CAPS2: variants seen among roughly 807,000 people sequenced by gnomAD.
CAPS2 encodes the protein calcyphosin-2.
Under a neutral mutation model 86.5 loss-of-function variants are expected in CAPS2, and 98 were observed. The observed-to-expected ratio is 1.13, with a 90% CI of 0.96 to 1.34. The LOEUF is 1.34. CAPS2 is among the 40% of genes most tolerant of loss of function. The pLI is 0.00. For synonymous variants in CAPS2, 210 were observed against 225.1 expected, an observed-to-expected ratio of 0.93 and a Z score of 0.60; for missense variants, 729 against 686.8, an observed-to-expected ratio of 1.06 and a Z score of -0.69.
intron 12 of CAPS2, 61 bp from the exon 13 acceptor site, chr12:75,291,881 A>T: frequency 1.3e-6 from 1 of 752,380 alleles, no homozygotes; most frequent in Admixed American, 2.3e-5. Flanking sequence ...AATCTTGAGT[A>T]TAAAACCTCT....
At chr12:75,289,635 C>G (rs763698424) in exon 14 of CAPS2, 9 of 1,612,398 alleles carry the variant, frequency 5.6e-6, no homozygotes, top group Non-Finnish European at 7.6e-6. Context: ...TCAGACACTT[C>G]TAAGTGAAAC....
At chr12:75,278,932 A>G (rs758707125) in exon 17 of CAPS2, 2 of 1,603,068 alleles carry the variant, frequency 1.2e-6, no homozygotes, top group South Asian at 2.3e-5. Flanking sequence ...CAAAGTCTTC[A>G]TCATCTACTA....
At chr12:75,334,469 T>G, upstream of CAPS2, 1 of 1,292,538 alleles carries the variant, frequency 7.7e-7, no homozygotes, top group Non-Finnish European at 9.8e-7. Context: ...CAGAAAGCAG[T>G]TTGGATGGTT....
chr12:75,339,957 T>G (rs190192360), intron 1 of CAPS2, among the ~76,000 whole-genome samples: 1 of 152,140 alleles, frequency 6.6e-6, no homozygotes, highest in African/African-American at 2.4e-5. Context: ...ATCATTCTTA[T>G]GTCCTCATAG....
In CAPS2 at chr12:75,343,748, T is replaced by C. The variant is rs773894156; in HGVS notation, c.-394-20526A>G. ...AAAGCATGGGCAAACCAGTGCAAATTTGAACATAATGACTGTTTGGATAAA... is the reference window on the plus strand; with the variant it reads ...AAAGCATGGGCAAACCAGTGCAAATCTGAACATAATGACTGTTTGGATAAA... On this transcript the variant is annotated intron_variant, in intron 1 of 5. Transcript: ENST00000551829. 8.7e-6 allele frequency: 14 copies of C among 1,612,744 alleles called. No individual in the cohort carries two copies. In the East Asian group the frequency reaches 2.0e-4, roughly 23 times the overall value.
intron 1 of CAPS2, among the ~76,000 whole-genome samples, chr12:75,355,959 C>T (rs1478302022): frequency 6.6e-6 from 1 of 152,078 alleles, no homozygotes; most frequent in African/African-American, 2.4e-5. Context: ...AGGGTAACAA[C>T]ACACACTGGG....
chr12:75,310,330 G>A (rs1442238966), intron 7 of CAPS2, among the ~76,000 whole-genome samples: 3 of 152,004 alleles, frequency 2.0e-5, no homozygotes, highest in Non-Finnish European at 4.4e-5. Context: ...TTATGGTAAG[G>A]CCAAAGTAGG....
intron 14 of CAPS2, among the ~76,000 whole-genome samples, chr12:75,289,024 T>C (rs1160274756): frequency 1.3e-5 from 2 of 152,166 alleles, no homozygotes; most frequent in African/African-American, 4.8e-5. Flanking sequence ...TGTGAAGATC[T>C]AGTAGAAGAT....
At chr12:75,281,935 T>C (rs1024963027) in intron 16 of CAPS2, among the ~76,000 whole-genome samples, 3 of 152,086 alleles carry the variant, frequency 2.0e-5, no homozygotes, top group Non-Finnish European at 2.9e-5. Context: ...ACAGTAAAAA[T>C]AACTCTGAGA....
chr12:75,292,314 C>T (rs974516597), intron 12 of CAPS2, among the ~76,000 whole-genome samples: 1 of 152,048 alleles, frequency 6.6e-6, no homozygotes, highest in Non-Finnish European at 1.5e-5. Flanking sequence ...GATCCGCCCA[C>T]CTCAGCCTCC....
chr12:75,365,159 T>C (rs2043881844), intron 1 of CAPS2: 1 of 152,144 alleles, frequency 6.6e-6, no homozygotes. Context: ...CAACAGAGCA[T>C]ATGCAATGAA....
chr12:75,304,528 T>C (rs1258855814), intron 8 of CAPS2, among the ~76,000 whole-genome samples: 2 of 152,194 alleles, frequency 1.3e-5, no homozygotes, highest in African/African-American at 2.4e-5. Flanking sequence ...TGGCTTTTTT[T>C]CCCCTAAATT....
At chr12:75,345,564 T>C (rs901455347) in intron 1 of CAPS2, among the ~76,000 whole-genome samples, 1 of 152,138 alleles carries the variant, frequency 6.6e-6, no homozygotes, top group African/African-American at 2.4e-5. Flanking sequence ...GAACAAATAA[T>C]AGCAACTTCC....
upstream of CAPS2, chr12:75,334,805 C>T (rs371527041): frequency 1.2e-6 from 2 of 1,613,980 alleles, no homozygotes; most frequent in African/African-American, 2.7e-5. Context: ...TCCAAAATCC[C>T]ATCCATCACT....
chr12:75,305,852 G>T (rs1169902661), intron 7 of CAPS2: 1 of 756,946 alleles, frequency 1.3e-6, no homozygotes, highest in Non-Finnish European at 2.4e-6. Context: ...CCTCGCCCAG[G>T]TGTTCGGGAT....
At chr12:75,374,598 T>C (rs1733642562) in intron 1 of CAPS2, among the ~76,000 whole-genome samples, 1 of 152,196 alleles carries the variant, frequency 6.6e-6, no homozygotes, top group Admixed American at 6.5e-5. Flanking sequence ...ATAAGCATTA[T>C]GTTATCAATG....
In CAPS2 at chr12:75,359,357, C is replaced by CTTTTTT. The variant is rs61616225; in HGVS notation, c.-395+31475_-395+31480dup. ...GAGTTAGAAGACTCAGCATTGTTGT[C>CTTTTTT]TTTTTTTTTTTTTTTTTTTTTTTTT... is the stretch of plus-strand genomic sequence containing the variant. On this transcript the variant is annotated intron_variant, in intron 1 of 5. Coordinates refer to the CAPS2 transcript ENST00000551829. 3.7e-3 allele frequency among the ~76,000 whole-genome samples: 107 copies of CTTTTTT among 28,594 alleles called. 11 individuals are homozygous for CTTTTTT. Among genetic ancestry groups the CTTTTTT allele is most frequent in the Admixed American group, 4.4e-3 (9 of 2,068 alleles). 18.8% of individuals were successfully genotyped at this position (28,594 alleles called of 152,430 possible). A position where few individuals can be genotyped will look rare whatever the true frequency, so the allele number is the denominator to read the frequency against.
chr12:75,312,862 T>C (rs1472318584), exon 7 of CAPS2: 4 of 1,593,080 alleles, frequency 2.5e-6, no homozygotes, highest in South Asian at 2.2e-5. Flanking sequence ...ATAAGTGGTC[T>C]ATCATCACTT....
At chr12:75,305,923 G>C (rs575075616) in intron 7 of CAPS2, 1 of 972,878 alleles carries the variant, frequency 1.0e-6, no homozygotes, top group African/African-American at 1.6e-5. Context: ...CATGAAGTCT[G>C]CGCTGGTGAA....
Sources: allele counts gnomAD v4.1 joint callset (sites outside exome capture counted in the v4.1 genomes callset), GRCh38; gene constraint gnomAD v4.1.1; transcripts MANE v1.5; gene names NCBI Gene and HGNC (gene_info 2026-07-23, HGNC 2026-07-21).